The following SOX6 variants were observed in gnomAD, a reference collection of about 807,000 sequenced individuals.
SOX6 encodes the protein transcription factor SOX-6.
In SOX6, 11 loss-of-function variants were observed where a neutral mutation model predicts 97.8. The observed-to-expected ratio is 0.11, with a 90% confidence interval of 0.07 to 0.19. The LOEUF is 0.19. Among genes scored for constraint, SOX6 ranks in the 10% least tolerant of loss-of-function variants. The pLI is 1.00. For synonymous variants in SOX6, 360 were observed against 371.4 expected, an observed-to-expected ratio of 0.97 and a Z score of 0.35; for missense variants, 810 against 1,039.5, an observed-to-expected ratio of 0.78 and a Z score of 3.04.
At chr11:16,200,177 A>C (rs1851896720) in intron 4 of SOX6, among the ~76,000 whole-genome samples, 1 of 152,172 alleles carries the variant, frequency 6.6e-6, no homozygotes, top group Admixed American at 6.5e-5. Context: ...GTTGAATCTC[A>C]AAAGTTGGAA....
chr11:16,119,312 A>C (rs968008275), intron 6 of SOX6, among the ~76,000 whole-genome samples: 1 of 152,178 alleles, frequency 6.6e-6, no homozygotes, highest in Non-Finnish European at 1.5e-5. Flanking sequence ...TGACAGGATA[A>C]ATTCATGCCT....
chr11:16,175,939 C>A (rs971804150), intron 6 of SOX6, among the ~76,000 whole-genome samples: 3 of 151,748 alleles, frequency 2.0e-5, no homozygotes, highest in Non-Finnish European at 4.4e-5. Flanking sequence ...AAACCATGGT[C>A]CATTAAAAGC....
chr11:16,119,478 T>C (rs1387941638), intron 6 of SOX6, among the ~76,000 whole-genome samples: 2 of 152,228 alleles, frequency 1.3e-5, no homozygotes, highest in Non-Finnish European at 2.9e-5. Flanking sequence ...AAGCCTTAAA[T>C]TCTATGCTGT....
chr11:16,072,825 T>G (rs745436465), intron 9 of SOX6, among the ~76,000 whole-genome samples: 5 of 152,142 alleles, frequency 3.3e-5, no homozygotes, highest in Non-Finnish European at 5.9e-5. Context: ...CACCATGAAT[T>G]TCATATTCAG....
At chr11:16,462,424 G>A (rs1373905933) in intron 1 of SOX6, among the ~76,000 whole-genome samples, 1 of 152,156 alleles carries the variant, frequency 6.6e-6, no homozygotes, top group African/African-American at 2.4e-5. Context: ...ATATATCTGG[G>A]AGACAGCTAC....
At chr11:16,308,563 G>A (rs1855506185) in intron 3 of SOX6, among the ~76,000 whole-genome samples, 1 of 152,192 alleles carries the variant, frequency 6.6e-6, no homozygotes, top group Non-Finnish European at 1.5e-5. Context: ...TCCAGCTAAT[G>A]TCGACTGTTT....
At chr11:16,215,107 A>G (rs1316623123) in intron 4 of SOX6, among the ~76,000 whole-genome samples, 2 of 152,126 alleles carry the variant, frequency 1.3e-5, no homozygotes, top group Non-Finnish European at 2.9e-5. Context: ...TCAAAATAAT[A>G]ATGTCCTCTA....
intron 7 of SOX6, among the ~76,000 whole-genome samples, chr11:16,108,703 C>G (rs538378973): frequency 6.6e-6 from 1 of 152,164 alleles, no homozygotes; most frequent in East Asian, 1.9e-4. Context: ...CTGAAAGATG[C>G]TGTCCTGGAG....
chr11:16,158,238 A>AT (rs1850652081), intron 6 of SOX6, among the ~76,000 whole-genome samples: 1 of 151,760 alleles, frequency 6.6e-6, no homozygotes, highest in Non-Finnish European at 1.5e-5. Flanking sequence ...CTCCTCTCAA[A>AT]TCCCCCCTTA....
At chr11:16,257,702 A>G (rs1853734871) in intron 3 of SOX6, among the ~76,000 whole-genome samples, 1 of 151,976 alleles carries the variant, frequency 6.6e-6, no homozygotes, top group African/African-American at 2.4e-5. Flanking sequence ...AATAATTGAT[A>G]GACAAGGCTT....
At chr11:16,053,809 C>CAATG (rs892130638) in intron 10 of SOX6, among the ~76,000 whole-genome samples, 28 of 152,166 alleles carry the variant, frequency 1.8e-4, no homozygotes, top group African/African-American at 6.5e-4. Context: ...AGAGAAAAAG[C>CAATG]AATGACTATA....
intron 4 of SOX6, among the ~76,000 whole-genome samples, chr11:16,520,010 T>C (rs1861033287): frequency 6.6e-6 from 1 of 152,230 alleles, no homozygotes; most frequent in South Asian, 2.1e-4. Flanking sequence ...TTGGGAAGTG[T>C]CTGTTCATGT....
At chr11:16,338,909 A>G (rs1003421840) in intron 2 of SOX6, among the ~76,000 whole-genome samples, 1 of 152,066 alleles carries the variant, frequency 6.6e-6, no homozygotes, top group Non-Finnish European at 1.5e-5. Flanking sequence ...ATTTATCAAG[A>G]TACAAACAAA....
Position 16,136,028 on chromosome 11 carries a change from A to AT in SOX6, c.778-24106dup, listed in dbSNP as rs574825396. Among the ~76,000 whole-genome samples the AT allele has an allele frequency of 1.3e-3, 202 of 151,048 alleles. 5 individuals are homozygous for AT. The South Asian group carries it at 0.028, about 21-fold the overall frequency. On this transcript the variant is annotated intron_variant, in intron 6 of 15. Transcript: ENST00000683767. The stretch of plus-strand genomic sequence containing the variant: ...GCTGAAGGCTCAAATGATCATTAGC[A>AT]TTTTTTTTTGAGGTAGAGACTTGCT...
intron 4 of SOX6, among the ~76,000 whole-genome samples, chr11:16,580,669 C>G (rs1367070038): frequency 6.6e-6 from 1 of 152,084 alleles, no homozygotes; most frequent in African/African-American, 2.4e-5. Context: ...AGGCAACCTA[C>G]AGAATGGGAG....
At chr11:16,030,396 T>C (rs1855336338) in intron 12 of SOX6, among the ~76,000 whole-genome samples, 1 of 152,206 alleles carries the variant, frequency 6.6e-6, no homozygotes, top group Non-Finnish European at 1.5e-5. Context: ...ATTCATTGTC[T>C]ATTGTTCTAA....
At chr11:16,339,076 C>T (rs544910533) in intron 2 of SOX6, among the ~76,000 whole-genome samples, 14 of 152,156 alleles carry the variant, frequency 9.2e-5, no homozygotes, top group Admixed American at 7.9e-4. Context: ...CATCCTTTCT[C>T]TCTAGCCACT....
chr11:16,250,614 G>A (rs532418032), intron 3 of SOX6, among the ~76,000 whole-genome samples: 25 of 152,020 alleles, frequency 1.6e-4, no homozygotes, highest in African/African-American at 5.5e-4. Context: ...AAGTCAAGAA[G>A]CATCAATAAA....
chr11:16,671,649 G>A (rs556672982), intron 3 of SOX6, among the ~76,000 whole-genome samples: 14 of 152,312 alleles, frequency 9.2e-5, no homozygotes, highest in South Asian at 2.1e-4. Flanking sequence ...ATGGAGTCAC[G>A]TAAAGAGGCC....
Sources: gnomAD v4.1 joint callset for allele counts (sites outside exome capture counted in the v4.1 genomes callset) on GRCh38, gnomAD v4.1.1 for gene constraint, MANE v1.5 for transcripts, NCBI Gene and HGNC (gene_info 2026-07-23, HGNC 2026-07-21) for gene names.